Variants in MKLN1 observed in about 807,000 individuals in gnomAD.
MKLN1 encodes the protein muskelin 1, also known as muskelin.
MKLN1 carries 18 observed loss-of-function variants against 99.0 expected under a neutral mutation model. That is an observed-to-expected ratio of 0.18 (90% CI 0.13 to 0.27). The LOEUF is 0.27. Ranked by LOEUF, MKLN1 falls within the 10% of genes least tolerant of loss-of-function variation. MKLN1 has a pLI of 1.00. For missense variants in MKLN1, 621 were observed against 875.9 expected (o/e 0.71, Z 3.67); for synonymous variants, 288 against 293.2 (o/e 0.98, Z 0.18).
chr7:131,301,651 C>T (rs1798378774), intron 3 of MKLN1, among the ~76,000 whole-genome samples: 1 of 152,114 alleles, frequency 6.6e-6, no homozygotes, highest in African/African-American at 2.4e-5. Flanking sequence ...CAGTTCATTC[C>T]TTGTCACGTA....
intron 9 of MKLN1, among the ~76,000 whole-genome samples, chr7:131,433,677 CTCTGT>C (rs1220696481): frequency 6.6e-6 from 1 of 152,098 alleles, no homozygotes; most frequent in Non-Finnish European, 1.5e-5. Flanking sequence ...TCTTTTTGTA[CTCTGT>C]TCTGTTCTAT....
chr7:131,242,165 G>A (rs545597338), intron 3 of MKLN1, among the ~76,000 whole-genome samples: 6 of 152,312 alleles, frequency 3.9e-5, no homozygotes, highest in African/African-American at 1.2e-4. Context: ...CACGGCCAAC[G>A]GCTATTGTCA....
intron 3 of MKLN1, among the ~76,000 whole-genome samples, chr7:131,268,966 A>T (rs1486728970): frequency 6.6e-6 from 1 of 152,240 alleles, no homozygotes; most frequent in Non-Finnish European, 1.5e-5. Flanking sequence ...CTGGAACTTA[A>T]CTTGTTCACA....
chr7:131,134,126 G>A (rs182630980), intron 1 of MKLN1, among the ~76,000 whole-genome samples: 7 of 152,056 alleles, frequency 4.6e-5, no homozygotes, highest in Admixed American at 2.0e-4. Flanking sequence ...CAACGCGCCC[G>A]GCCAGCTGAC....
chr7:131,255,417 C>A (rs571827024), intron 3 of MKLN1, among the ~76,000 whole-genome samples: 7 of 152,118 alleles, frequency 4.6e-5, no homozygotes, highest in South Asian at 4.1e-4. Context: ...ACACAAAAAA[C>A]CAAACATACA....
intron 3 of MKLN1, among the ~76,000 whole-genome samples, chr7:131,251,121 G>GTGTGTA (rs1554542509): frequency 0.012 from 1,794 of 148,066 alleles, 13 homozygotes; most frequent in Non-Finnish European, 0.018. Flanking sequence ...GTGTGTGTGT[G>GTGTGTA]TGTGTACCAT....
chr7:131,345,864 A>G (rs1010027336), intron 1 of MKLN1, among the ~76,000 whole-genome samples: 3 of 152,178 alleles, frequency 2.0e-5, no homozygotes, highest in Admixed American at 1.3e-4. Flanking sequence ...ATATTTAATC[A>G]TCATCTGTCA....
intron 2 of MKLN1, among the ~76,000 whole-genome samples, chr7:131,186,987 T>C (rs1293357410): frequency 1.3e-5 from 2 of 152,162 alleles, no homozygotes; most frequent in East Asian, 1.9e-4. Flanking sequence ...AGAAGGAACA[T>C]TGTGTGCAGA....
intron 9 of MKLN1, among the ~76,000 whole-genome samples, chr7:131,434,880 T>C (rs1256647790): frequency 1.3e-5 from 2 of 152,194 alleles, no homozygotes; most frequent in African/African-American, 2.4e-5. Context: ...TTTAATGCCT[T>C]CCTTATTGCA....
intron 2 of MKLN1, among the ~76,000 whole-genome samples, chr7:131,201,889 A>C (rs1468996846): frequency 1.3e-5 from 2 of 152,114 alleles, no homozygotes; most frequent in Non-Finnish European, 1.5e-5. Flanking sequence ...TTAACAATTC[A>C]CTCTAAATTA....
chr7:131,120,559 A>AAAAAAAG, intron 1 of MKLN1, among the ~76,000 whole-genome samples: 13 of 150,484 alleles, frequency 8.6e-5, no homozygotes, highest in African/African-American at 3.2e-4. Flanking sequence ...AAAAAAAAAA[A>AAAAAAAG]AAAAAAGAAA....
chr7:131,191,456 C>CTT (rs1796540192), intron 2 of MKLN1, among the ~76,000 whole-genome samples: 1 of 152,176 alleles, frequency 6.6e-6, no homozygotes, highest in Non-Finnish European at 1.5e-5. Context: ...TGAGGGAAGA[C>CTT]TGTTGGTCAG....
At chr7:131,134,464 T>G (rs1795617706) in intron 1 of MKLN1, among the ~76,000 whole-genome samples, 1 of 152,176 alleles carries the variant, frequency 6.6e-6, no homozygotes, top group Non-Finnish European at 1.5e-5. Context: ...ACCTATGCAT[T>G]CAGTCCAGAC....
chr7:131,198,721 A>G (rs1339164055), intron 2 of MKLN1, among the ~76,000 whole-genome samples: 1 of 152,224 alleles, frequency 6.6e-6, no homozygotes, highest in African/African-American at 2.4e-5. Context: ...AAGTGAATTG[A>G]ACGGAGAGGT....
intron 3 of MKLN1, among the ~76,000 whole-genome samples, chr7:131,317,522 T>C (rs554784665): frequency 3.9e-4 from 59 of 152,044 alleles, no homozygotes; most frequent in African/African-American, 1.3e-3. Context: ...TAAAGACCAG[T>C]GACACTATGA....
chr7:131,459,142 A>G (rs1363709010), intron 12 of MKLN1, among the ~76,000 whole-genome samples: 1 of 152,218 alleles, frequency 6.6e-6, no homozygotes, highest in East Asian at 1.9e-4. Context: ...TAATGCAGGT[A>G]GACTGAGGTG....
At chr7:131,460,389 TTC>T (rs1030091966) in intron 12 of MKLN1, among the ~76,000 whole-genome samples, 2 of 149,674 alleles carry the variant, frequency 1.3e-5, no homozygotes, top group African/African-American at 4.9e-5. Context: ...TCCAGTAGGT[TTC>T]TCTCATAAAT....
intron 2 of MKLN1, among the ~76,000 whole-genome samples, chr7:131,163,220 T>C (rs1584801217): frequency 6.6e-6 from 1 of 152,344 alleles, no homozygotes; most frequent in Middle Eastern, 3.4e-3. Flanking sequence ...CAAAAGGCTG[T>C]TTTCATATCT....
intron 3 of MKLN1, among the ~76,000 whole-genome samples, chr7:131,209,230 G>A (rs971618627): frequency 6.6e-6 from 1 of 152,216 alleles, no homozygotes; most frequent in Non-Finnish European, 1.5e-5. Flanking sequence ...AGCATGGCTG[G>A]CCATGGTAAG....
Sources: gnomAD v4.1 joint callset for allele counts (sites outside exome capture counted in the v4.1 genomes callset) on GRCh38, gnomAD v4.1.1 for gene constraint, MANE v1.5 for transcripts, NCBI Gene and HGNC (gene_info 2026-07-23, HGNC 2026-07-21) for gene names.